The following SNX13 variants were observed in gnomAD, a reference collection of about 807,000 sequenced individuals.
SNX13 encodes the protein sorting nexin 13.
A neutral mutation model predicts 133.6 loss-of-function variants in SNX13; 45 were observed. That is an observed-to-expected ratio of 0.34 (90% CI 0.27 to 0.43). The LOEUF is 0.43. Ranked by LOEUF, SNX13 falls within the 20% of genes least tolerant of loss-of-function variation. SNX13 has a pLI of 1.00. For synonymous variants in SNX13, 414 were observed against 373.9 expected, an observed-to-expected ratio of 1.11 and a Z score of -1.24; for missense variants, 1,032 against 1,145.1, an observed-to-expected ratio of 0.90 and a Z score of 1.43.
chr7:17,888,828 A>G (rs1554265030), intron 5 of SNX13: 3 of 431,376 alleles, frequency 7.0e-6, no homozygotes, highest in South Asian at 3.4e-5. Context: ...TATTACACTT[A>G]TTTTACATAT....
At chr7:17,851,081 CA>C in intron 9 of SNX13, 117 bp from the exon 10 acceptor site, 1 of 1,067,130 alleles carries the variant, frequency 9.4e-7, no homozygotes, top group South Asian at 1.6e-5. Flanking sequence ...GTGCTTACAA[CA>C]AAAAGAAAAA....
At position 17,834,816 on chromosome 7, in the gene SNX13, T is replaced by A; in HGVS notation, c.1409A>T (p.Asp470Val). Residue 470 changes from aspartate to valine, a missense_variant, in exon 14 of 26, where the codon GAT (aspartate) becomes GTT (valine). By Grantham distance (152) the Asp-to-Val change is radical (BLOSUM62 -3). Coordinates refer to ENST00000428135, the MANE Select transcript of SNX13 (RefSeq NM_015132.5). ...VDDYLVAKLA[D>V]TLNHEDPTPE... ...GGTTGGATCTTCATGATTCAAAGTATCTGCTAATTTTGCTACTAAATAGTC... is the reference window on the plus strand; with the variant it reads ...GGTTGGATCTTCATGATTCAAAGTAACTGCTAATTTTGCTACTAAATAGTC... 6.2e-7 allele frequency: 1 copy of A among 1,610,370 alleles called. No homozygotes were observed. The highest frequency in any genetic ancestry group is 8.5e-7 in the Non-Finnish European group (1 of 1,177,648).
chr7:17,836,984 C>A (rs1048507795), intron 13 of SNX13, among the ~76,000 whole-genome samples: 6 of 151,994 alleles, frequency 3.9e-5, no homozygotes, highest in Admixed American at 1.3e-4. Context: ...GAACTGCCTG[C>A]AGCCTTTAGG....
intron 1 of SNX13, among the ~76,000 whole-genome samples, chr7:17,930,819 C>T (rs528204493): frequency 5.9e-5 from 9 of 152,242 alleles, no homozygotes; most frequent in African/African-American, 2.2e-4. Flanking sequence ...TGAGCTCAGC[C>T]TCCTGTCAGA....
At chr7:17,823,951 C>G (rs1467424878) in intron 17 of SNX13, among the ~76,000 whole-genome samples, 3 of 151,956 alleles carry the variant, frequency 2.0e-5, no homozygotes, top group African/African-American at 7.3e-5. Context: ...CAAAAACCAA[C>G]AGGCTTGGAA....
At chr7:17,939,878 T>TGGAGCCCA (rs1802599483) in intron 1 of SNX13, among the ~76,000 whole-genome samples, 2 of 152,232 alleles carry the variant, frequency 1.3e-5, no homozygotes, top group South Asian at 4.1e-4. Context: ...CGGAGGGCCC[T>TGGAGCCCA]GGAGCCCAGG....
intron 1 of SNX13, among the ~76,000 whole-genome samples, chr7:17,909,180 G>A (rs1045044640): frequency 6.6e-6 from 1 of 152,016 alleles, no homozygotes; most frequent in Admixed American, 6.6e-5. Context: ...TCAGAATGCC[G>A]ATTATTAAAA....
At chr7:17,858,138 T>C (rs931230624) in intron 9 of SNX13, among the ~76,000 whole-genome samples, 11 of 152,260 alleles carry the variant, frequency 7.2e-5, no homozygotes, top group African/African-American at 2.6e-4. Context: ...TGCCTACTCC[T>C]ACAAATTTTA....
chr7:17,892,708 T>A (rs909341946), intron 3 of SNX13, among the ~76,000 whole-genome samples: 1 of 152,128 alleles, frequency 6.6e-6, no homozygotes, highest in East Asian at 1.9e-4. Context: ...TTAATAACTG[T>A]AAAGAAAGTT....
At chr7:17,832,222 A>G (rs1788580173) in intron 15 of SNX13, 1 of 984,428 alleles carries the variant, frequency 1.0e-6, no homozygotes, top group Non-Finnish European at 1.2e-6. Flanking sequence ...AGTACAGTGT[A>G]TGATTTTAGG....
At chr7:17,863,803 T>C (rs552158371) in intron 9 of SNX13, among the ~76,000 whole-genome samples, 232 of 152,312 alleles carry the variant, frequency 1.5e-3, no homozygotes, top group African/African-American at 5.5e-3. Context: ...TTTCCCCAAC[T>C]CTAGGCAGCA....
At chr7:17,911,830 AT>A (rs552047490) in intron 1 of SNX13, among the ~76,000 whole-genome samples, 1 of 151,278 alleles carries the variant, frequency 6.6e-6, no homozygotes, top group Non-Finnish European at 1.5e-5. Flanking sequence ...AAATAAGTAG[AT>A]TTTTTTAAAA....
chr7:17,850,930 A>T lies in SNX13; in HGVS notation c.872T>A (p.Met291Lys). Residue 291 changes from methionine (M) to lysine (K), a missense_variant, in exon 10 of 26, where the codon ATG (methionine) becomes AAG (lysine). Physicochemically the swap from Met to Lys is moderately conservative, Grantham distance 95. Transcript: ENST00000428135. Reference sequence around the variant, plus strand: ...ATTGTCACTCAATTTAATAATGTTCATAAAGGCCTCATAGTTGCAGTTAGA... The same window carrying T: ...ATTGTCACTCAATTTAATAATGTTCTTAAAGGCCTCATAGTTGCAGTTAGA... Reference protein sequence around the residue: ...RDSNCNYEAFMNIIKLSDNIG... With the variant: ...RDSNCNYEAFKNIIKLSDNIG... 1 of 1,608,918 alleles carries T rather than the reference A, an allele frequency of 6.2e-7. No homozygotes were observed. The highest frequency in any genetic ancestry group is 8.5e-7 in the Non-Finnish European group (1 of 1,178,584).
intron 21 of SNX13, 68 bp downstream of exon 21, chr7:17,803,351 C>A: frequency 1.4e-6 from 2 of 1,410,882 alleles, no homozygotes; most frequent in Non-Finnish European, 1.9e-6. Flanking sequence ...TAAATCCAAC[C>A]AGAATTCAAT....
chr7:17,869,479 C>T (rs891553483), intron 8 of SNX13, among the ~76,000 whole-genome samples: 2 of 152,010 alleles, frequency 1.3e-5, no homozygotes, highest in Non-Finnish European at 2.9e-5. Flanking sequence ...TTTATGAACC[C>T]TAATTTCTTA....
chr7:17,915,252 C>T (rs962940679), intron 1 of SNX13, among the ~76,000 whole-genome samples: 16 of 152,092 alleles, frequency 1.1e-4, no homozygotes, highest in Non-Finnish European at 4.4e-5. Flanking sequence ...GCCCCAGGAC[C>T]CCCGCCCCTC....
At chr7:17,850,284 C>T (rs2128325830) in intron 11 of SNX13, 63 bp downstream of exon 11, 1 of 1,069,910 alleles carries the variant, frequency 9.3e-7, no homozygotes, top group East Asian at 2.9e-5. Context: ...CTTTACTGTG[C>T]ATTTTTAATC....
chr7:17,896,782 A>T (rs1797258738), intron 2 of SNX13, among the ~76,000 whole-genome samples: 1 of 152,136 alleles, frequency 6.6e-6, no homozygotes, highest in South Asian at 2.1e-4. Flanking sequence ...GCTACAATAA[A>T]TTATGACTGA....
intron 10 of SNX13, 91 bp downstream of exon 10, chr7:17,850,735 T>C (rs1193608025): frequency 9.6e-7 from 1 of 1,041,952 alleles, no homozygotes; most frequent in Non-Finnish European, 1.3e-6. Context: ...AACATTAATA[T>C]CAGAAAATGA....
Sources: gnomAD v4.1 joint callset for allele counts (sites outside exome capture counted in the v4.1 genomes callset) on GRCh38, gnomAD v4.1.1 for gene constraint, MANE v1.5 for transcripts, NCBI Gene and HGNC (gene_info 2026-07-23, HGNC 2026-07-21) for gene names.